Variants in EHBP1 observed in about 807,000 individuals in gnomAD.
EHBP1 encodes the protein EH domain binding protein 1.
In EHBP1, 55 loss-of-function variants were observed where a neutral mutation model predicts 144.0. The ratio of observed to expected loss-of-function variants is 0.38; its 90% CI spans 0.31 to 0.48. The LOEUF (loss-of-function observed/expected upper bound fraction) is 0.48, where lower values mean the gene tolerates loss of function less well. Ranked by LOEUF, EHBP1 falls within the 20% of genes least tolerant of loss-of-function variation. The pLI, the probability that EHBP1 is intolerant of heterozygous loss-of-function variation, is 0.98. For missense variants in EHBP1, 1,200 were observed against 1,364.2 expected (o/e 0.88, Z 1.90); for synonymous variants, 469 against 472.7 (o/e 0.99, Z 0.10).
At chr2:63,026,416 T>C (rs527548857) in intron 19 of EHBP1, among the ~76,000 whole-genome samples, 1 of 152,128 alleles carries the variant, frequency 6.6e-6, no homozygotes, top group Non-Finnish European at 1.5e-5. Context: ...ATAGCATTTA[T>C]TTACCATGAG....
At chr2:62,802,936 G>T (rs189250814) in intron 5 of EHBP1, among the ~76,000 whole-genome samples, 1 of 151,998 alleles carries the variant, frequency 6.6e-6, no homozygotes, top group African/African-American at 2.4e-5. Context: ...TGTTGGCCAG[G>T]CTGGTCTCGA....
intron 13 of EHBP1, among the ~76,000 whole-genome samples, chr2:62,952,318 T>C (rs2057434525): frequency 6.6e-6 from 1 of 152,206 alleles, no homozygotes; most frequent in Admixed American, 6.5e-5. Flanking sequence ...AAAAATCTGT[T>C]TCTCTTTTGT....
chr2:62,824,043 G>C (rs2046170023), intron 5 of EHBP1, among the ~76,000 whole-genome samples: 1 of 151,950 alleles, frequency 6.6e-6, no homozygotes. Context: ...TTTACCAGAT[G>C]CTTAAAAAAC....
At chr2:62,981,555 T>C (rs915310721) in intron 15 of EHBP1, among the ~76,000 whole-genome samples, 1 of 152,140 alleles carries the variant, frequency 6.6e-6, no homozygotes, top group Non-Finnish European at 1.5e-5. Flanking sequence ...ATTAATGATA[T>C]GGGATGTGTC....
intron 7 of EHBP1, among the ~76,000 whole-genome samples, chr2:62,839,808 A>G (rs1012962029): frequency 6.6e-6 from 1 of 152,234 alleles, no homozygotes; most frequent in Non-Finnish European, 1.5e-5. Flanking sequence ...TTCAAGGAGA[A>G]CTACAAACCA....
chr2:62,951,533 TTG>T (rs1491424651), intron 13 of EHBP1, among the ~76,000 whole-genome samples: 61 of 125,746 alleles, frequency 4.9e-4, no homozygotes, highest in African/African-American at 1.6e-3. Flanking sequence ...TTTTTTTTTT[TTG>T]GGGGGGGGGG....
At chr2:62,806,330 GTCTTCCACTCT>G (rs2044465234) in intron 5 of EHBP1, among the ~76,000 whole-genome samples, 1 of 151,702 alleles carries the variant, frequency 6.6e-6, no homozygotes. Context: ...ATCTGTTTTT[GTCTTCCACTCT>G]TCTACTTTTT....
chr2:62,901,855 C>T (rs1412079022), intron 10 of EHBP1, among the ~76,000 whole-genome samples: 1 of 151,614 alleles, frequency 6.6e-6, no homozygotes. Flanking sequence ...GTCCCAGCTG[C>T]TTGGGAGGCT....
chr2:62,813,615 C>T (rs2045217920), intron 5 of EHBP1, among the ~76,000 whole-genome samples: 1 of 152,200 alleles, frequency 6.6e-6, no homozygotes, highest in South Asian at 2.1e-4. Flanking sequence ...GCTGGGTGGA[C>T]TGAGTCCAGC....
At chr2:62,679,127 T>G (rs901974006) in intron 1 of EHBP1, among the ~76,000 whole-genome samples, 2 of 152,218 alleles carry the variant, frequency 1.3e-5, no homozygotes, top group Non-Finnish European at 2.9e-5. Context: ...ATCAGCATAA[T>G]CTAAAACAAA....
intron 5 of EHBP1, among the ~76,000 whole-genome samples, chr2:62,794,434 T>C (rs1043765213): frequency 6.6e-6 from 1 of 152,090 alleles, no homozygotes; most frequent in Non-Finnish European, 1.5e-5. Context: ...CTAACTCTTC[T>C]TATGTATTCA....
intron 19 of EHBP1, among the ~76,000 whole-genome samples, chr2:63,004,063 A>T (rs1331094838): frequency 6.6e-6 from 1 of 152,080 alleles, no homozygotes; most frequent in East Asian, 1.9e-4. Context: ...AATTCATAAA[A>T]TTATATCTGG....
At chr2:62,946,914 G>A (rs1558959928) in intron 12 of EHBP1, among the ~76,000 whole-genome samples, 1 of 152,148 alleles carries the variant, frequency 6.6e-6, no homozygotes, top group Non-Finnish European at 1.5e-5. Context: ...TCCTGGGTCT[G>A]TAAAAAGTGC....
At chr2:62,826,337 G>T in intron 6 of EHBP1, 69 bp downstream of exon 6, 2 of 1,396,144 alleles carry the variant, frequency 1.4e-6, no homozygotes, top group Non-Finnish European at 1.9e-6. Context: ...TGACTCAGTA[G>T]ACTGGCAATA....
At chr2:62,978,336 G>A (rs1474532519) in intron 14 of EHBP1, among the ~76,000 whole-genome samples, 3 of 151,880 alleles carry the variant, frequency 2.0e-5, no homozygotes, top group Admixed American at 2.0e-4. Flanking sequence ...GAGTAGCTGG[G>A]ACTACAGGCA....
intron 2 of EHBP1, among the ~76,000 whole-genome samples, chr2:62,739,313 G>A (rs2038459427): frequency 6.6e-6 from 1 of 151,756 alleles, no homozygotes; most frequent in South Asian, 2.1e-4. Context: ...CACAATTGCA[G>A]TAATTATAGA....
intron 7 of EHBP1, among the ~76,000 whole-genome samples, chr2:62,855,336 G>C (rs1029265501): frequency 1.3e-5 from 2 of 152,164 alleles, no homozygotes; most frequent in Non-Finnish European, 2.9e-5. Context: ...CTGGATTTTG[G>C]GCACCGATGA....
In EHBP1 at chr2:63,000,385, T is replaced by TG. The variant is rs1429712673; in HGVS notation, c.3103+3619_3103+3620insG. Among the ~76,000 whole-genome samples the TG allele has an allele frequency of 4.6e-3, 669 of 146,748 alleles. 4 individuals are homozygous for TG. The highest frequency in any genetic ancestry group is 0.011 in the African/African-American group (456 of 40,490). The stretch of plus-strand genomic sequence containing the variant: ...CATGCTGTGTATGTGAGTGTGTGTG[T>TG]TTTTTTTTTTCTTTTAAACTATATT... On this transcript the variant is annotated intron_variant, in intron 19 of 22. Coordinates refer to ENST00000431489, the MANE Select transcript of EHBP1 (RefSeq NM_001142616.3).
chr2:62,736,376 A>G (rs1016956095), intron 2 of EHBP1, among the ~76,000 whole-genome samples: 1 of 151,746 alleles, frequency 6.6e-6, no homozygotes, highest in East Asian at 1.9e-4. Context: ...GGTGTGCACC[A>G]CCATACCCGG....
Sources: gnomAD v4.1 joint callset for allele counts (sites outside exome capture counted in the v4.1 genomes callset) on GRCh38, gnomAD v4.1.1 for gene constraint, MANE v1.5 for transcripts, NCBI Gene and HGNC (gene_info 2026-07-23, HGNC 2026-07-21) for gene names.